The following NBAS variants were observed in gnomAD, a reference collection of about 807,000 sequenced individuals.
NBAS encodes NBAS subunit of NRZ tethering complex.
In NBAS, 219 loss-of-function variants were observed where a neutral mutation model predicts 302.5. The ratio of observed to expected loss-of-function variants is 0.72; its 90% CI spans 0.65 to 0.81. NBAS has a LOEUF of 0.81. Ranked by LOEUF, NBAS falls within the 30% of genes least tolerant of loss-of-function variation. The pLI, the probability that NBAS is intolerant of heterozygous loss-of-function variation, is 0.00. For missense variants in NBAS, 2,932 were observed against 2,841.6 expected, an observed-to-expected ratio of 1.03 and a Z score of -0.72; for synonymous variants, 1,118 against 1,021.6, an observed-to-expected ratio of 1.09 and a Z score of -1.80.
the NBAS span, among the ~76,000 whole-genome samples, chr2:14,859,033 T>G: frequency 6.6e-6 from 1 of 152,156 alleles, no homozygotes; most frequent in Non-Finnish European, 1.5e-5. Flanking sequence ...CATTTATATA[T>G]GCCAACAGCA....
the NBAS span, among the ~76,000 whole-genome samples, chr2:15,157,470 G>A: frequency 1.4e-4 from 21 of 152,266 alleles, no homozygotes; most frequent in South Asian, 2.7e-3. Context: ...CCCAGTGTGC[G>A]TTTAGGGCCG....
intron 6 of NBAS, among the ~76,000 whole-genome samples, chr2:15,544,238 T>C (rs971547682): frequency 1.3e-5 from 2 of 152,058 alleles, no homozygotes; most frequent in Non-Finnish European, 2.9e-5. Flanking sequence ...AGAAGCCAAA[T>C]ATGTAAATGT....
chr2:14,873,280 G>C, the NBAS span, among the ~76,000 whole-genome samples: 2 of 151,960 alleles, frequency 1.3e-5, no homozygotes, highest in Non-Finnish European at 2.9e-5. Flanking sequence ...CCTTTAGCTA[G>C]ACAGAAAAGT....
intron 48 of NBAS, among the ~76,000 whole-genome samples, chr2:15,193,001 A>G (rs1487131498): frequency 6.6e-6 from 1 of 152,238 alleles, no homozygotes; most frequent in Non-Finnish European, 1.5e-5. Flanking sequence ...GAAATAAACT[A>G]TATCATAAGG....
chr2:15,025,575 T>C, the NBAS span, among the ~76,000 whole-genome samples: 117,070 of 151,938 alleles, frequency 0.77, 45,366 homozygotes, highest in East Asian at 1. Context: ...TTTAACTATA[T>C]TGATTCTTCT....
rs1381824066 is a variant in NBAS, at chr2:15,465,279, G to C, written c.2097+2050C>G. The stretch of plus-strand genomic sequence containing the variant: ...AATGTCCCCCTTATGGTACTCCCTA[G>C]TCCCTGAAATCTGCCTGCCTTTTGT... On this transcript the variant is annotated intron_variant, in intron 19 of 51. Transcript: ENST00000281513. 3.3e-5 allele frequency among the ~76,000 whole-genome samples: 5 copies of C among 152,142 alleles called. No homozygotes were observed. In the South Asian group the frequency reaches 1.0e-3, roughly 32 times the overall value.
Position 15,417,598 on chromosome 2 carries a change from C to A in NBAS, c.2692G>T (p.Asp898Tyr). 1 of 1,613,990 alleles carries A rather than the reference C, an allele frequency of 6.2e-7. No homozygotes were observed. Among genetic ancestry groups the A allele is most frequent in the Non-Finnish European group, 8.5e-7 (1 of 1,179,934 alleles). ...LETLVYEARC[D>Y]VTLTLKELQQ... ...AGTTCTTTCAGGGTTAGAGTTACAT[C>A]ACACCTGGCTTCATAAACCAATGTT... Residue 898 changes from aspartate (D) to tyrosine (Y), a missense_variant, in exon 24 of 52, where the codon GAT (aspartate) becomes TAT (tyrosine). Transcript: ENST00000281513.
At chr2:15,035,630 A>G in the NBAS span, among the ~76,000 whole-genome samples, 4 of 152,222 alleles carry the variant, frequency 2.6e-5, no homozygotes, top group Non-Finnish European at 4.4e-5. Context: ...AAAATGTGGT[A>G]CATATATATC....
At chr2:15,167,746 A>C (rs1289722098) in intron 51 of NBAS, among the ~76,000 whole-genome samples, 1 of 152,258 alleles carries the variant, frequency 6.6e-6, no homozygotes, top group African/African-American at 2.4e-5. Context: ...TCTTGACATC[A>C]AAGTCTGTGC....
the NBAS span, among the ~76,000 whole-genome samples, chr2:15,132,244 G>GC: frequency 1.3e-5 from 2 of 152,154 alleles, no homozygotes; most frequent in African/African-American, 2.4e-5. Context: ...GTTATTCAGT[G>GC]CTAAATAGAA....
intron 47 of NBAS, among the ~76,000 whole-genome samples, chr2:15,225,672 C>CA (rs1667123286): frequency 6.6e-6 from 1 of 152,152 alleles, no homozygotes; most frequent in African/African-American, 2.4e-5. Flanking sequence ...TTTAAACAAT[C>CA]AAACCCCCCC....
chr2:15,512,477 GTTCTAT>G, intron 9 of NBAS, among the ~76,000 whole-genome samples: 1 of 152,308 alleles, frequency 6.6e-6, no homozygotes, highest in Non-Finnish European at 1.5e-5. Context: ...CTGTGAGTAT[GTTCTAT>G]TACATGGATT....
intron 29 of NBAS, among the ~76,000 whole-genome samples, chr2:15,382,266 C>T (rs1162922418): frequency 6.6e-6 from 1 of 152,126 alleles, no homozygotes; most frequent in African/African-American, 2.4e-5. Context: ...ATGAGTAAAT[C>T]CCCCTGGATT....
At chr2:15,045,089 T>C in the NBAS span, among the ~76,000 whole-genome samples, 2 of 152,118 alleles carry the variant, frequency 1.3e-5, no homozygotes, top group African/African-American at 4.8e-5. Flanking sequence ...AAAATAAATA[T>C]CAAAATCTCT....
At chr2:15,018,939 A>G in the NBAS span, among the ~76,000 whole-genome samples, 1 of 152,178 alleles carries the variant, frequency 6.6e-6, no homozygotes, top group African/African-American at 2.4e-5. Flanking sequence ...AAGGTATTTC[A>G]TGCAAGAAAC....
chr2:15,288,517 G>A (rs946396869), intron 41 of NBAS, among the ~76,000 whole-genome samples: 2 of 152,182 alleles, frequency 1.3e-5, no homozygotes, highest in East Asian at 3.9e-4. Context: ...CCTGCTAGGG[G>A]ACCTGCGTCT....
At chr2:14,852,501 GT>G in the NBAS span, among the ~76,000 whole-genome samples, 7 of 105,192 alleles carry the variant, frequency 6.7e-5, 2 homozygotes, top group East Asian at 1.7e-3. Context: ...AAATGGGCAG[GT>G]AATTTATAGA....
At chr2:15,166,903 G>A (rs1437794342), downstream of NBAS, 18 of 1,092,916 alleles carry the variant, frequency 1.6e-5, no homozygotes, top group South Asian at 8.9e-5. Context: ...TTAAAAAAGC[G>A]GCAGCTTGCT....
chr2:14,915,153 G>A, the NBAS span, among the ~76,000 whole-genome samples: 3 of 152,234 alleles, frequency 2.0e-5, no homozygotes, highest in Admixed American at 2.0e-4. Context: ...AGATACAGGT[G>A]ATGGGTTTAA....
Sources: allele counts gnomAD v4.1 joint callset (sites outside exome capture counted in the v4.1 genomes callset), GRCh38; gene constraint gnomAD v4.1.1; transcripts MANE v1.5; gene names NCBI Gene and HGNC (gene_info 2026-07-23, HGNC 2026-07-21).